The following PTPRT variants were observed in gnomAD, a reference collection of about 807,000 sequenced individuals.
The protein encoded by PTPRT is protein tyrosine phosphatase receptor type T, also known as receptor-type tyrosine-protein phosphatase T.
Under a neutral mutation model 176.8 loss-of-function variants are expected in PTPRT, and 56 were observed. That is an observed-to-expected ratio of 0.32 (90% confidence interval 0.26 to 0.40). PTPRT has a LOEUF of 0.40. Among genes scored for constraint, PTPRT ranks in the 10% least tolerant of loss-of-function variants. PTPRT has a pLI of 1.00. For synonymous variants in PTPRT, 783 were observed against 739.0 expected, an observed-to-expected ratio of 1.06 and a Z score of -0.96; for missense variants, 1,540 against 1,908.2, an observed-to-expected ratio of 0.81 and a Z score of 3.60.
At chr20:42,790,485 T>G (rs544704220) in intron 3 of PTPRT, among the ~76,000 whole-genome samples, 1 of 152,254 alleles carries the variant, frequency 6.6e-6, no homozygotes, top group Non-Finnish European at 1.5e-5. Context: ...ATGGACAGTA[T>G]GAGCAGCACT....
intron 1 of PTPRT, among the ~76,000 whole-genome samples, chr20:43,105,079 A>G (rs1007652465): frequency 6.6e-6 from 1 of 152,148 alleles, no homozygotes; most frequent in Non-Finnish European, 1.5e-5. Flanking sequence ...TGAGGTCTGG[A>G]AACACATCCA....
At chr20:42,521,644 T>C (rs1425407224) in intron 7 of PTPRT, among the ~76,000 whole-genome samples, 2 of 152,156 alleles carry the variant, frequency 1.3e-5, no homozygotes, top group Admixed American at 1.3e-4. Flanking sequence ...ACTCATTGAG[T>C]AGATTATTCA....
intron 19 of PTPRT, among the ~76,000 whole-genome samples, chr20:42,125,628 T>G (rs1237886777): frequency 1.3e-5 from 2 of 152,210 alleles, no homozygotes; most frequent in Non-Finnish European, 2.9e-5. Flanking sequence ...TTTCCTGTCT[T>G]TAAAGGCTTG....
At chr20:42,363,198 T>C (rs537945157) in intron 9 of PTPRT, among the ~76,000 whole-genome samples, 137 of 134,640 alleles carry the variant, frequency 1.0e-3, no homozygotes, top group African/African-American at 3.5e-3. Context: ...AAATCTGTAA[T>C]CATGGACCCA....
At chr20:42,640,836 C>A (rs749100605) in intron 7 of PTPRT, among the ~76,000 whole-genome samples, 3 of 152,094 alleles carry the variant, frequency 2.0e-5, no homozygotes, top group East Asian at 1.9e-4. Flanking sequence ...TGGAAACCAC[C>A]CTTACTCCAT....
In PTPRT at chr20:42,439,148, T is replaced by C. The variant is rs558123411; in HGVS notation, c.1560+9072A>G. 1.5e-4 allele frequency among the ~76,000 whole-genome samples: 23 copies of C among 152,270 alleles called. No homozygotes were observed. The South Asian group carries it at 2.3e-3, about 15-fold the overall frequency. ...TCAAGTTTCTGGAGGGGAAACATCTTATGGAGGTTGAATGATGAGCTGTGG... is the reference window on the plus strand; with the variant it reads ...TCAAGTTTCTGGAGGGGAAACATCTCATGGAGGTTGAATGATGAGCTGTGG... On this transcript the variant is annotated intron_variant, in intron 9 of 30. Coordinates refer to ENST00000373187, the MANE Select transcript of PTPRT (RefSeq NM_007050.6).
At chr20:42,852,063 G>C (rs1180302327) in intron 2 of PTPRT, among the ~76,000 whole-genome samples, 7 of 152,086 alleles carry the variant, frequency 4.6e-5, no homozygotes, top group South Asian at 2.1e-4. Context: ...ATTGCTTATA[G>C]TATTAAGTTA....
At chr20:42,865,731 T>G (rs11698186) in intron 2 of PTPRT, among the ~76,000 whole-genome samples, 1 of 152,088 alleles carries the variant, frequency 6.6e-6, no homozygotes, top group African/African-American at 2.4e-5. Flanking sequence ...AGGAAGAAAC[T>G]ACAGGGATGC....
chr20:42,118,898 T>TG (rs767785873), intron 20 of PTPRT, among the ~76,000 whole-genome samples: 7 of 147,122 alleles, frequency 4.8e-5, no homozygotes, highest in African/African-American at 1.3e-4. Context: ...GCAACTGGGG[T>TG]GGGGGGTGGA....
intron 13 of PTPRT, among the ~76,000 whole-genome samples, chr20:42,260,565 C>T (rs1464602636): frequency 3.3e-5 from 5 of 152,206 alleles, no homozygotes; most frequent in Admixed American, 2.0e-4. Flanking sequence ...TCACACTGAA[C>T]TGACTGTAAT....
At chr20:42,350,785 C>T in intron 10 of PTPRT, 55 bp from the exon 11 acceptor site, 2 of 1,299,634 alleles carry the variant, frequency 1.5e-6, no homozygotes, top group Non-Finnish European at 2.2e-6. Context: ...CAACTGGCTC[C>T]CCACCGCCCC....
At chr20:42,961,554 A>C (rs139496245) in intron 1 of PTPRT, among the ~76,000 whole-genome samples, 2 of 152,330 alleles carry the variant, frequency 1.3e-5, no homozygotes, top group African/African-American at 4.8e-5. Context: ...CAGACGCTTC[A>C]CAGAAATGAG....
intron 7 of PTPRT, among the ~76,000 whole-genome samples, chr20:42,634,767 T>C (rs879742580): frequency 1.3e-5 from 2 of 152,150 alleles, no homozygotes; most frequent in Non-Finnish European, 2.9e-5. Context: ...TCAAAATGTA[T>C]ATATGACCAG....
chr20:42,435,762 A>T (rs549325367), intron 9 of PTPRT, among the ~76,000 whole-genome samples: 1 of 152,240 alleles, frequency 6.6e-6, no homozygotes, highest in East Asian at 1.9e-4. Context: ...AGATGTTTTC[A>T]TTAAACTTGA....
chr20:42,052,396 T>G, the PTPRT span, among the ~76,000 whole-genome samples: 2 of 152,222 alleles, frequency 1.3e-5, no homozygotes, highest in Admixed American at 6.5e-5. Flanking sequence ...AGACACCCTG[T>G]GGGTCCCAGT....
At chr20:42,677,046 C>T (rs907511275) in intron 7 of PTPRT, among the ~76,000 whole-genome samples, 5 of 152,144 alleles carry the variant, frequency 3.3e-5, no homozygotes, top group African/African-American at 1.2e-4. Flanking sequence ...AGAGGACCTT[C>T]AGAGGAATAG....
At chr20:42,455,044 C>G (rs2070896192) in intron 8 of PTPRT, among the ~76,000 whole-genome samples, 1 of 152,168 alleles carries the variant, frequency 6.6e-6, no homozygotes, top group African/African-American at 2.4e-5. Context: ...GTTTTACTAG[C>G]ACTTCTCAAA....
chr20:42,789,847 T>G (rs772857623), intron 3 of PTPRT, among the ~76,000 whole-genome samples: 2 of 152,310 alleles, frequency 1.3e-5, no homozygotes, highest in African/African-American at 4.8e-5. Context: ...AATTGCCTCA[T>G]TAAGGTAAAC....
At chr20:42,409,481 C>CAAAAAAAAAAAAAAAAAAAAAA (rs58932390) in intron 9 of PTPRT, among the ~76,000 whole-genome samples, 1 of 112,144 alleles carries the variant, frequency 8.9e-6, no homozygotes, top group Non-Finnish European at 1.8e-5. Flanking sequence ...GACTCTGTCG[C>CAAAAAAAAAAAAAAAAAAAAAA]AAAAAAAAAA....
Sources: allele counts gnomAD v4.1 joint callset (sites outside exome capture counted in the v4.1 genomes callset), GRCh38; gene constraint gnomAD v4.1.1; transcripts MANE v1.5; gene names NCBI Gene and HGNC (gene_info 2026-07-23, HGNC 2026-07-21).